Variants in SLC23A3 observed in about 807,000 individuals in gnomAD.
SLC23A3 encodes E2-binding protein 3.
Under a neutral mutation model 64.7 loss-of-function variants are expected in SLC23A3, and 41 were observed. The observed-to-expected ratio is 0.63, with a 90% CI of 0.49 to 0.82. SLC23A3 has a LOEUF of 0.82. Among genes scored for constraint, SLC23A3 ranks in the 40% least tolerant of loss-of-function variants. The pLI, the probability that SLC23A3 is intolerant of heterozygous loss-of-function variation, is 0.00. For missense variants in SLC23A3, 647 were observed against 733.4 expected, an observed-to-expected ratio of 0.88 and a Z score of 1.36; for synonymous variants, 281 against 306.8, an observed-to-expected ratio of 0.92 and a Z score of 0.88.
intron 8 of SLC23A3, chr2:219,164,703 G>A: frequency 3.9e-6 from 1 of 254,096 alleles, no homozygotes; most frequent in Non-Finnish European, 7.6e-6. Context: ...GGAATTATAG[G>A]TGCACAACAC....
At chr2:219,163,659 C>G in intron 9 of SLC23A3, 104 bp from the exon 10 acceptor site, 1 of 1,144,134 alleles carries the variant, frequency 8.7e-7, no homozygotes, top group African/African-American at 1.6e-5. Context: ...ACAAATAAAA[C>G]CCAAGAGAAT....
At position 219,168,190 on chromosome 2, in the gene SLC23A3, C is replaced by T. The variant is rs776243491; in HGVS notation, c.798+5G>A. The T allele has an allele frequency of 6.2e-7, 1 of 1,613,670 alleles. No homozygotes were observed. Among genetic ancestry groups the T allele is most frequent in the East Asian group, 2.2e-5 (1 of 44,880 alleles). ...CTCTACTGCCCTGCCCAGACCCACA[C>T]ATACCGAAAGGAGCCGGAAGACAGG... On this transcript the variant is annotated splice_donor_5th_base_variant and intron_variant, in intron 6 of 11. Coordinates refer to ENST00000409878, the MANE Select transcript of SLC23A3 (RefSeq NM_001144889.2).
In SLC23A3 at chr2:219,169,143, G is replaced by C; in HGVS notation, c.419-41C>G. 1 of 1,603,570 alleles carries C rather than the reference G, an allele frequency of 6.2e-7. No homozygotes were observed. The highest frequency in any genetic ancestry group is 8.5e-7 in the Non-Finnish European group (1 of 1,170,514). On this transcript the variant is annotated intron_variant, in intron 3 of 11. Coordinates refer to ENST00000409878, the MANE Select transcript of SLC23A3 (RefSeq NM_001144889.2). The surrounding 1 kb of genome is among the most constrained non-coding windows in gnomAD (Gnocchi z 4.5). Reference sequence around the variant, plus strand: ...GGCATGGAGAAGAGAAGGGTGAATGGAATGGAGACCCATTGCTCTACAGTC... The same window carrying C: ...GGCATGGAGAAGAGAAGGGTGAATGCAATGGAGACCCATTGCTCTACAGTC...
At chr2:219,164,897 G>A in intron 8 of SLC23A3, 1 of 492,448 alleles carries the variant, frequency 2.0e-6, no homozygotes, top group South Asian at 3.2e-5. Context: ...TCAACTGTCT[G>A]CCTCTCCCTC....
intron 10 of SLC23A3, 69 bp downstream of exon 10, chr2:219,163,319 G>T: frequency 6.7e-7 from 1 of 1,495,976 alleles, no homozygotes. Flanking sequence ...GTGGGGCCAG[G>T]AGTCCGGGCA....
chr2:219,164,232 C>A lies in SLC23A3; in HGVS notation c.1273+1G>T. 6.2e-7 allele frequency: 1 copy of A among 1,600,640 alleles called. No homozygotes were observed. Among genetic ancestry groups the A allele is most frequent in the Non-Finnish European group, 8.5e-7 (1 of 1,171,582 alleles). On this transcript the variant is annotated splice_donor_variant, in intron 9 of 11. Coordinates refer to ENST00000409878, the MANE Select transcript of SLC23A3 (RefSeq NM_001144889.2). LOFTEE classifies it high-confidence loss of function. The stretch of plus-strand genomic sequence containing the variant: ...CCAGCCCTGTTGATACATCCACTCA[C>A]CAACAACAGGCAGTGGGATGGTGGT...
In SLC23A3 at chr2:219,169,256, C is replaced by T. The variant is rs769734825; in HGVS notation, c.418+53G>A. The T allele has an allele frequency of 6.2e-7, 1 of 1,613,634 alleles. No individual in the cohort carries two copies. The highest frequency in any genetic ancestry group is 1.1e-5 in the South Asian group (1 of 91,040). On this transcript the variant is annotated intron_variant, in intron 3 of 11. Transcript: ENST00000409878. The surrounding 1 kb of genome is among the most constrained non-coding windows in gnomAD (Gnocchi z 4.5). The stretch of plus-strand genomic sequence containing the variant: ...TTCTGCACCCACCTACACCTGCATG[C>T]TCAGATGAGAACCCAGCCCCACCCT...
chr2:219,169,066 C>A lies in SLC23A3; in HGVS notation c.455G>T (p.Cys152Phe), dbSNP rs1410915954. ...LMLHLCRGPS[C>F]HGLGHWNTSL... Reference sequence around the variant, plus strand: ...AGTGTTCCAGTGCCCCAGGCCATGGCAGCTAGGTCCCCTACAAAGGTGCAG... The same window carrying A: ...AGTGTTCCAGTGCCCCAGGCCATGGAAGCTAGGTCCCCTACAAAGGTGCAG... The change falls in exon 4 of 12, where the codon TGC (cysteine) becomes TTC (phenylalanine). Residue 152 changes from cysteine (C) to phenylalanine (F), a missense_variant. Coordinates refer to ENST00000409878, the MANE Select transcript of SLC23A3 (RefSeq NM_001144889.2). This position sits in a 1 kb window ranked among gnomAD's most constrained non-coding sequence, Gnocchi z 4.5. 4.3e-6 allele frequency: 7 copies of A among 1,614,136 alleles called. No individual in the cohort carries two copies. The highest frequency in any genetic ancestry group is 3.4e-6 in the Non-Finnish European group (4 of 1,180,020).
chr2:219,169,390 C>T lies in SLC23A3; in HGVS notation c.337G>A (p.Ala113Thr). 6.2e-7 allele frequency: 1 copy of T among 1,614,126 alleles called. No homozygotes were observed. Among genetic ancestry groups the T allele is most frequent in the Non-Finnish European group, 8.5e-7 (1 of 1,180,020 alleles). Residue 113 changes from alanine (A) to threonine (T), a missense_variant, in exon 3 of 12, where the codon GCT (alanine) becomes ACT (threonine). Transcript: ENST00000409878. The surrounding 1 kb of genome is among the most constrained non-coding windows in gnomAD (Gnocchi z 4.5). The stretch of plus-strand genomic sequence containing the variant: ...GGGATAAGGAACTCTAAGGATGGAG[C>T]CTGGACAAGAGGCAGCCTGTAGGAA... ...WMGSRLPLVQ[A>T]PSLEFLIPAL...
chr2:219,163,493 C>T lies in SLC23A3; in HGVS notation c.1336G>A (p.Ala446Thr). ...LSAGFSSFYL[A>T]DIDSGRNIFI... ...ATATTTCGCCCAGAGTCTATGTCAG[C>T]CAGGTAGAAGCTGGAGAATCCAGCA... Residue 446 changes from alanine to threonine, a missense_variant, in exon 10 of 12, where the codon GCT (alanine) becomes ACT (threonine). By Grantham distance (58) the Ala-to-Thr change is moderately conservative. Transcript: ENST00000409878. 6.2e-7 allele frequency: 1 copy of T among 1,614,130 alleles called. No homozygotes were observed. The highest frequency in any genetic ancestry group is 1.1e-5 in the South Asian group (1 of 91,084).
Position 219,169,978 on chromosome 2 carries a change from G to A in SLC23A3, c.7C>T (p.Arg3Ter). ...AGTTGGCTGGGATTGAGGGGTGATC[G>A]GCTCATGCTGCCTTGCCTTTCGCTT... MS[R>*]SPLNPSQLRS... Residue 3 changes from arginine to a stop codon, truncating the protein, a stop_gained, in exon 1 of 12, where the codon CGA (arginine) becomes TGA (stop). Coordinates refer to ENST00000409878, the MANE Select transcript of SLC23A3 (RefSeq NM_001144889.2). LOFTEE classifies it high-confidence loss of function. This position sits in a 1 kb window ranked among gnomAD's most constrained non-coding sequence, Gnocchi z 4.5. The A allele has an allele frequency of 6.2e-7, 1 of 1,613,762 alleles. No individual in the cohort carries two copies. The highest frequency in any genetic ancestry group is 1.1e-5 in the South Asian group (1 of 91,054).
chr2:219,170,028 T>A lies in SLC23A3; in HGVS notation c.-44A>T. 6.2e-7 allele frequency: 1 copy of A among 1,602,076 alleles called. No homozygotes were observed. Among genetic ancestry groups the A allele is most frequent in the Non-Finnish European group, 8.5e-7 (1 of 1,175,390 alleles). On this transcript the variant is annotated 5_prime_UTR_variant, in exon 1 of 12. Coordinates refer to ENST00000409878, the MANE Select transcript of SLC23A3 (RefSeq NM_001144889.2). The stretch of plus-strand genomic sequence containing the variant: ...TTGTCTTGGCTGCCCGGGACCAGAG[T>A]TAAGTAGAGAGAGTAAGAGGTCAGA...
At chr2:219,164,829 G>T (rs534790365) in intron 8 of SLC23A3, 17 of 333,756 alleles carry the variant, frequency 5.1e-5, no homozygotes, top group Admixed American at 2.5e-4. Context: ...CACGTGCTAG[G>T]ATTACAGGTG....
Position 219,169,416 on chromosome 2 carries a change from C to G in SLC23A3, c.321-10G>C, listed in dbSNP as rs762549484. The G allele has an allele frequency of 8.1e-6, 13 of 1,614,032 alleles. No individual in the cohort carries two copies. The highest frequency in any genetic ancestry group is 1.1e-5 in the Non-Finnish European group (13 of 1,180,016). ...CTGGACAAGAGGCAGCCTGTAGGAACAGCAGCCCCAGCAGGTCTGGGACTA... is the reference window on the plus strand; with the variant it reads ...CTGGACAAGAGGCAGCCTGTAGGAAGAGCAGCCCCAGCAGGTCTGGGACTA... On this transcript the variant is annotated splice_polypyrimidine_tract_variant and intron_variant, in intron 2 of 11. Transcript: ENST00000409878. The surrounding 1 kb of genome is among the most constrained non-coding windows in gnomAD (Gnocchi z 4.5).
chr2:219,164,683 C>T (rs1949987609), intron 8 of SLC23A3: 1 of 252,614 alleles, frequency 4.0e-6, no homozygotes, highest in Non-Finnish European at 7.6e-6. Context: ...CCTCAGCCTC[C>T]TGAGTAGCTG....
intron 7 of SLC23A3, 32 bp from the exon 8 acceptor site, chr2:219,165,454 A>G (rs1196367141): frequency 1.3e-6 from 2 of 1,535,570 alleles, no homozygotes; most frequent in South Asian, 1.2e-5. Flanking sequence ...CTTTGGGGCC[A>G]GACTCAAGTC....
At position 219,165,124 on chromosome 2, in the gene SLC23A3, C is replaced by T. The variant is rs1017886134; in HGVS notation, c.1167+45G>A. On this transcript the variant is annotated intron_variant, in intron 8 of 11. Coordinates refer to ENST00000409878, the MANE Select transcript of SLC23A3 (RefSeq NM_001144889.2). The stretch of plus-strand genomic sequence containing the variant: ...GTGTAAGTTCCTGTCCTTCTTCTTC[C>T]CCTCTAGCTCCATCCTACCCCACTC... The T allele has an allele frequency of 2.0e-5, 31 of 1,534,944 alleles. 1 individual carries two copies. In the Admixed American group the frequency reaches 6.1e-4, roughly 30 times the overall value.
At chr2:219,165,082 C>T (rs1050846887) in intron 8 of SLC23A3, 87 bp downstream of exon 8, 5 of 1,468,688 alleles carry the variant, frequency 3.4e-6, no homozygotes, top group East Asian at 2.5e-5. Context: ...GTGCTAGGCA[C>T]ACCTGGCAAT....
chr2:219,162,433 T>G, intron 10 of SLC23A3, 39 bp from the exon 11 acceptor site: 2 of 1,501,852 alleles, frequency 1.3e-6, no homozygotes, highest in Non-Finnish European at 1.8e-6. Context: ...GGAACTCTGA[T>G]CCTATATCCA....
Sources: allele counts gnomAD v4.1 joint callset, GRCh38; gene constraint gnomAD v4.1.1; non-coding constraint Gnocchi (gnomAD v3.1); transcripts MANE v1.5; gene names NCBI Gene and HGNC (gene_info 2026-07-23, HGNC 2026-07-21).